The following SLC38A9 variants were observed in gnomAD, a reference collection of about 807,000 sequenced individuals.
SLC38A9 encodes the protein solute carrier family 38 member 9.
A neutral mutation model predicts 62.3 loss-of-function variants in SLC38A9; 48 were observed. The observed-to-expected ratio is 0.77, with a 90% CI of 0.61 to 0.98. SLC38A9 has a LOEUF of 0.98. Ranked by LOEUF, SLC38A9 falls within the 50% of genes least tolerant of loss-of-function variation. The pLI is 0.00. For synonymous variants in SLC38A9, 204 were observed against 227.7 expected, an observed-to-expected ratio of 0.90 and a Z score of 0.94; for missense variants, 541 against 679.8, an observed-to-expected ratio of 0.80 and a Z score of 2.27.
intron 3 of SLC38A9, among the ~76,000 whole-genome samples, chr5:55,677,795 C>T (rs1283107569): frequency 6.6e-6 from 1 of 151,534 alleles, no homozygotes; most frequent in Non-Finnish European, 1.5e-5. Flanking sequence ...TCCCAAAATG[C>T]TGGAATTACA....
intron 14 of SLC38A9, among the ~76,000 whole-genome samples, chr5:55,628,487 T>A (rs544454527): frequency 1.3e-5 from 2 of 152,096 alleles, no homozygotes; most frequent in Admixed American, 6.5e-5. Flanking sequence ...CCCAAAAACA[T>A]TTGGAAAAAA....
chr5:55,694,194 T>A, intron 3 of SLC38A9: 1 of 200,730 alleles, frequency 5.0e-6, no homozygotes, highest in South Asian at 7.0e-5. Flanking sequence ...GGCTACAGAG[T>A]GAGACCCTGT....
At chr5:55,645,720 C>T (rs982473983) in intron 12 of SLC38A9, 69 bp downstream of exon 12, 3 of 1,026,202 alleles carry the variant, frequency 2.9e-6, no homozygotes, top group South Asian at 2.9e-5. Flanking sequence ...ATATAAAGTG[C>T]CTCAAATACT....
At chr5:55,629,203 TTTAA>T (rs1201092899) in intron 14 of SLC38A9, among the ~76,000 whole-genome samples, 1 of 151,576 alleles carries the variant, frequency 6.6e-6, no homozygotes, top group African/African-American at 2.4e-5. Context: ...TTTCTAAAAT[TTTAA>T]TTAATTATTA....
intron 3 of SLC38A9, among the ~76,000 whole-genome samples, chr5:55,687,238 G>A (rs1473232012): frequency 1.3e-5 from 2 of 150,750 alleles, no homozygotes; most frequent in Non-Finnish European, 3.0e-5. Context: ...AGGAGATCGA[G>A]ACCACGGTGA....
intron 3 of SLC38A9, chr5:55,691,076 G>A (rs1004881130): frequency 3.0e-6 from 2 of 674,342 alleles, no homozygotes; most frequent in African/African-American, 3.6e-5. Flanking sequence ...GCATACCTAG[G>A]TTGTTTGAAG....
At chr5:55,632,934 T>C (rs1157197460) in intron 14 of SLC38A9, among the ~76,000 whole-genome samples, 2 of 152,172 alleles carry the variant, frequency 1.3e-5, no homozygotes, top group East Asian at 3.8e-4. Context: ...ATTTCCCCTG[T>C]ATCTTTGGGT....
At chr5:55,693,054 G>GA in intron 3 of SLC38A9, 1 of 944,314 alleles carries the variant, frequency 1.1e-6, no homozygotes, top group Non-Finnish European at 1.3e-6. Flanking sequence ...TTCATCTCTT[G>GA]GATGAAGACC....
chr5:55,700,886 T>G (rs1050956031), intron 2 of SLC38A9, among the ~76,000 whole-genome samples: 3 of 152,188 alleles, frequency 2.0e-5, no homozygotes, highest in Non-Finnish European at 4.4e-5. Context: ...TCTGTCTCCT[T>G]TGCTGCTTTC....
chr5:55,673,053 G>A (rs142669140), intron 3 of SLC38A9, among the ~76,000 whole-genome samples: 14 of 152,172 alleles, frequency 9.2e-5, no homozygotes, highest in African/African-American at 3.4e-4. Context: ...TCTCAAAAAA[G>A]CTTTTGGCAC....
rs1746202489 is a variant in SLC38A9 at position 55,645,638 on chromosome 5, T to C, written c.1167+151A>G. 7 of 619,204 alleles carry C rather than the reference T, an allele frequency of 1.1e-5. No homozygotes were observed. The Admixed American group carries it at 1.6e-4, about 14-fold the overall frequency. 38.4% of individuals were successfully genotyped at this position (619,204 alleles called of 1,614,324 possible). ...TCATCTGAACCTTTACAGAAAAATT[T>C]GCTGACGACTGCTCTATGGTTTAAG... On this transcript the variant is annotated intron_variant, in intron 12 of 15. Coordinates refer to ENST00000396865, the MANE Select transcript of SLC38A9 (RefSeq NM_173514.4).
chr5:55,645,815 T>G lies in SLC38A9; in HGVS notation c.1141A>C (p.Lys381Gln). The part of the protein sequence containing the change: ...FIHNCIITLL[K>Q]NNKKQENNVR... ...TTGTTTTCTTGTTTCTTGTTGTTCT[T>G]CAAGAGTGTGATGATACAATTATGA... The change falls in exon 12 of 16, where the codon AAG (lysine) becomes CAG (glutamine). Residue 381 changes from lysine to glutamine, a missense_variant. Lys to Gln is a moderately conservative substitution (Grantham distance 53, BLOSUM62 1). Transcript: ENST00000396865. The G allele has an allele frequency of 1.9e-6, 3 of 1,610,190 alleles. No individual in the cohort carries two copies. Among genetic ancestry groups the G allele is most frequent in the Non-Finnish European group, 2.5e-6 (3 of 1,177,898 alleles).
Position 55,645,821 on chromosome 5 carries a change from G to A in SLC38A9, c.1135C>T (p.Leu379Phe). The change falls in exon 12 of 16, where the codon CTC becomes TTC. Residue 379 changes from leucine to phenylalanine, a missense_variant. Leu to Phe is a conservative substitution (Grantham distance 22). Coordinates refer to ENST00000396865, the MANE Select transcript of SLC38A9 (RefSeq NM_173514.4). ...TCTTGTTTCTTGTTGTTCTTCAAGAGTGTGATGATACAATTATGAATAAAA... is the reference window on the plus strand; with the variant it reads ...TCTTGTTTCTTGTTGTTCTTCAAGAATGTGATGATACAATTATGAATAAAA... ...AFFIHNCIIT[L>F]LKNNKKQENN... 1 of 1,611,092 alleles carries A rather than the reference G, an allele frequency of 6.2e-7. No individual in the cohort carries two copies. The highest frequency in any genetic ancestry group is 8.5e-7 in the Non-Finnish European group (1 of 1,178,430).
intron 10 of SLC38A9, among the ~76,000 whole-genome samples, chr5:55,651,246 A>ATTTTTTT (rs1371252740): frequency 0.49 from 54,621 of 112,276 alleles, 14,697 homozygotes; most frequent in Non-Finnish European, 0.59. Flanking sequence ...TCCTTTTGCC[A>ATTTTTTT]TCTTTTTTTT....
At chr5:55,642,586 G>A (rs1745618009) in intron 12 of SLC38A9, among the ~76,000 whole-genome samples, 1 of 152,122 alleles carries the variant, frequency 6.6e-6, no homozygotes, top group Non-Finnish European at 1.5e-5. Context: ...GGGCACTTGG[G>A]CTAACTTGGC....
intron 12 of SLC38A9, among the ~76,000 whole-genome samples, chr5:55,636,815 G>A (rs1046949464): frequency 2.0e-5 from 3 of 152,168 alleles, no homozygotes; most frequent in Non-Finnish European, 2.9e-5. Context: ...TGGTGGATAA[G>A]CCCATGGAGC....
chr5:55,674,958 A>C (rs1751875965), intron 3 of SLC38A9, among the ~76,000 whole-genome samples: 1 of 152,212 alleles, frequency 6.6e-6, no homozygotes, highest in Non-Finnish European at 1.5e-5. Flanking sequence ...TCTATAGTGC[A>C]TTCTCTTTTT....
intron 2 of SLC38A9, among the ~76,000 whole-genome samples, chr5:55,701,217 A>G (rs1408874056): frequency 6.6e-6 from 1 of 152,126 alleles, no homozygotes; most frequent in Non-Finnish European, 1.5e-5. Flanking sequence ...TTCCACACTA[A>G]TATCTCTAGC....
intron 3 of SLC38A9, among the ~76,000 whole-genome samples, chr5:55,689,674 C>G (rs9687356): frequency 1.6e-4 from 25 of 152,020 alleles, no homozygotes; most frequent in Admixed American, 1.6e-3. Context: ...TTGGCCCTAA[C>G]GAGTACCAGT....
Sources: allele counts gnomAD v4.1 joint callset (sites outside exome capture counted in the v4.1 genomes callset), GRCh38; gene constraint gnomAD v4.1.1; transcripts MANE v1.5; gene names NCBI Gene and HGNC (gene_info 2026-07-23, HGNC 2026-07-21).